The following LAMA2 variants were observed in gnomAD, a reference collection of about 807,000 sequenced individuals.
The protein encoded by LAMA2 is laminin subunit alpha 2, also known as laminin subunit alpha-2.
In LAMA2, 269 loss-of-function variants were observed where a neutral mutation model predicts 364.8. That is an observed-to-expected ratio of 0.74 (90% CI 0.67 to 0.82). The LOEUF (loss-of-function observed/expected upper bound fraction) is 0.82, where lower values mean the gene tolerates loss of function less well. Ranked by LOEUF, LAMA2 falls within the 40% of genes least tolerant of loss-of-function variation. The pLI is 0.00. For synonymous variants in LAMA2, 1,379 were observed against 1,370.6 expected (o/e 1.01, Z -0.14); for missense variants, 3,807 against 3,873.2 (o/e 0.98, Z 0.45).
At chr6:129,084,325 A>T (rs1774245440) in intron 3 of LAMA2, among the ~76,000 whole-genome samples, 1 of 152,138 alleles carries the variant, frequency 6.6e-6, no homozygotes, top group African/African-American at 2.4e-5. Context: ...ATTTAAATGT[A>T]TTCTGTTCAT....
chr6:129,153,140 G>C (rs1461415624), intron 7 of LAMA2, among the ~76,000 whole-genome samples: 1 of 152,142 alleles, frequency 6.6e-6, no homozygotes, highest in Non-Finnish European at 1.5e-5. Context: ...TCTGGAGAAA[G>C]TGATTTTTCA....
intron 1 of LAMA2, among the ~76,000 whole-genome samples, chr6:128,998,936 C>T (rs1371551392): frequency 6.2e-4 from 1 of 1,616 alleles, no homozygotes; most frequent in African/African-American, 1.4e-3. Context: ...GGCTCCACCT[C>T]TGGGGGCAGG....
intron 1 of LAMA2, among the ~76,000 whole-genome samples, chr6:128,952,910 T>C (rs1780919250): frequency 6.6e-6 from 1 of 152,198 alleles, no homozygotes; most frequent in Admixed American, 6.5e-5. Flanking sequence ...CTCTCTCTTC[T>C]AAGCTTTCCT....
At chr6:129,139,023 A>G (rs1273279851) in intron 4 of LAMA2, among the ~76,000 whole-genome samples, 1 of 152,122 alleles carries the variant, frequency 6.6e-6, no homozygotes, top group Non-Finnish European at 1.5e-5. Context: ...TAATAGGTCA[A>G]ATATGGTGAG....
chr6:129,370,008 T>C lies in LAMA2; in HGVS notation c.4959+18T>C. On this transcript the variant is annotated intron_variant, in intron 34 of 64. Transcript: ENST00000421865. ...TGACCAGGGTAAGGTGGCAAAATTATGAATCTTCTGAAAGCAGATAGATTA... is the reference window on the plus strand; with the variant it reads ...TGACCAGGGTAAGGTGGCAAAATTACGAATCTTCTGAAAGCAGATAGATTA... The C allele has an allele frequency of 1.9e-6, 3 of 1,590,690 alleles. No individual in the cohort carries two copies. Among genetic ancestry groups the C allele is most frequent in the Non-Finnish European group, 1.7e-6 (2 of 1,158,862 alleles).
At position 129,366,123 on chromosome 6, in the gene LAMA2, T is replaced by C; in HGVS notation, c.4718-96T>C. Reference sequence around the variant, plus strand: ...AGTAGTTTCATCTTCCATGGAATTATTCTTGGACCATAAAATATTTCATAG... The same window carrying C: ...AGTAGTTTCATCTTCCATGGAATTACTCTTGGACCATAAAATATTTCATAG... On this transcript the variant is annotated intron_variant, in intron 32 of 64. Coordinates refer to ENST00000421865, the MANE Select transcript of LAMA2 (RefSeq NM_000426.4). 3 of 1,302,264 alleles carry C rather than the reference T, an allele frequency of 2.3e-6. No homozygotes were observed. The South Asian group carries it at 3.6e-5, about 15-fold the overall frequency. 80.7% of individuals were successfully genotyped at this position (1,302,264 alleles called of 1,614,324 possible).
chr6:129,352,996 A>G (rs1776939277), intron 31 of LAMA2, among the ~76,000 whole-genome samples, 168 bp from the exon 32 acceptor site: 1 of 152,076 alleles, frequency 6.6e-6, no homozygotes. Flanking sequence ...GATTTTTCCT[A>G]TGTCCTGCAA....
At chr6:129,061,095 G>A (rs1250601790) in intron 3 of LAMA2, among the ~76,000 whole-genome samples, 2 of 152,146 alleles carry the variant, frequency 1.3e-5, no homozygotes, top group African/African-American at 4.8e-5. Flanking sequence ...CATGCTTTAG[G>A]AAAATTAATC....
chr6:128,897,329 C>G (rs950895296), intron 1 of LAMA2, among the ~76,000 whole-genome samples: 2 of 148,448 alleles, frequency 1.3e-5, no homozygotes, highest in African/African-American at 2.5e-5. Flanking sequence ...AGTCTATGAA[C>G]TTTTTTTTTT....
intron 1 of LAMA2, among the ~76,000 whole-genome samples, chr6:129,027,646 G>A (rs1785920414): frequency 6.6e-6 from 1 of 151,760 alleles, no homozygotes; most frequent in South Asian, 2.1e-4. Flanking sequence ...GAAAAGATGA[G>A]TTTTTTTCTC....
chr6:129,173,377 G>A (rs918177908), intron 9 of LAMA2, among the ~76,000 whole-genome samples: 8 of 151,912 alleles, frequency 5.3e-5, no homozygotes, highest in South Asian at 2.1e-4. Flanking sequence ...TTTCTTCTAC[G>A]ATATCTTTAT....
chr6:129,278,599 G>A (rs989466648), intron 17 of LAMA2, among the ~76,000 whole-genome samples: 1 of 152,128 alleles, frequency 6.6e-6, no homozygotes, highest in African/African-American at 2.4e-5. Flanking sequence ...TGGGTCATGC[G>A]TAGCAAAGTA....
intron 1 of LAMA2, among the ~76,000 whole-genome samples, chr6:128,951,979 A>G (rs1780851120): frequency 6.6e-6 from 1 of 152,116 alleles, no homozygotes; most frequent in African/African-American, 2.4e-5. Context: ...AACCTGTGCA[A>G]CATGGGGAGA....
chr6:129,152,981 C>G (rs1042395998), intron 7 of LAMA2, among the ~76,000 whole-genome samples: 1 of 151,452 alleles, frequency 6.6e-6, no homozygotes, highest in African/African-American at 2.4e-5. Context: ...TACAAGCACA[C>G]CTACACACAC....
chr6:129,468,776 A>G (rs1213663192), intron 51 of LAMA2, among the ~76,000 whole-genome samples: 1 of 151,920 alleles, frequency 6.6e-6, no homozygotes, highest in Non-Finnish European at 1.5e-5. Context: ...AATACCAACT[A>G]TGCATCAGAT....
chr6:129,435,888 C>T (rs1388178486), intron 41 of LAMA2, among the ~76,000 whole-genome samples: 2 of 152,136 alleles, frequency 1.3e-5, no homozygotes, highest in Non-Finnish European at 2.9e-5. Flanking sequence ...TCCAGCTGCC[C>T]ATGGCCTGCA....
At chr6:129,080,844 A>C (rs1200788183) in intron 3 of LAMA2, among the ~76,000 whole-genome samples, 1 of 152,166 alleles carries the variant, frequency 6.6e-6, no homozygotes, top group Non-Finnish European at 1.5e-5. Flanking sequence ...GCGATTCCTC[A>C]AGGATCTAGA....
At chr6:129,295,266 G>A (rs1291669055) in intron 20 of LAMA2, among the ~76,000 whole-genome samples, 1 of 121,072 alleles carries the variant, frequency 8.3e-6, no homozygotes, top group Non-Finnish European at 1.9e-5. Context: ...TTTGTAAAGA[G>A]TTTAGATTTG....
At chr6:129,439,461 C>T (rs904937106) in intron 42 of LAMA2, among the ~76,000 whole-genome samples, 1 of 151,950 alleles carries the variant, frequency 6.6e-6, no homozygotes, top group Non-Finnish European at 1.5e-5. Context: ...TACTGATGTA[C>T]CACCACAAAG....
Sources: gnomAD v4.1 joint callset for allele counts (sites outside exome capture counted in the v4.1 genomes callset) on GRCh38, gnomAD v4.1.1 for gene constraint, MANE v1.5 for transcripts, NCBI Gene and HGNC (gene_info 2026-07-23, HGNC 2026-07-21) for gene names.